Variants in MADD observed in about 807,000 individuals in gnomAD.
MADD encodes the protein MAP kinase activating death domain, also known as MAP kinase-activating death domain protein.
In MADD, 109 loss-of-function variants were observed where a neutral mutation model predicts 176.7. That is an observed-to-expected ratio of 0.62 (90% CI 0.53 to 0.72). The LOEUF is 0.72. MADD is among the 30% of genes least tolerant of loss of function. The probability of loss-of-function intolerance (pLI) is 0.00; values close to 1 mark genes in which losing one functional copy is unlikely to be tolerated. For synonymous variants in MADD, 771 were observed against 771.3 expected (o/e 1.00, Z 0.01); for missense variants, 1,914 against 2,045.5 (o/e 0.94, Z 1.24).
chr11:47,276,133 C>A, exon 4 of MADD: 1 of 1,614,216 alleles, frequency 6.2e-7, no homozygotes, highest in Non-Finnish European at 8.5e-7. Flanking sequence ...TCCCACTGCA[C>A]CTTCCCTTGG....
intron 22 of MADD, among the ~76,000 whole-genome samples, chr11:47,296,864 T>C (rs1383461164): frequency 6.7e-6 from 1 of 150,004 alleles, no homozygotes; most frequent in Non-Finnish European, 1.5e-5. Context: ...AGCTTTGACC[T>C]GTTAGGCTCA....
chr11:47,294,073 G>A (rs1007252059), intron 20 of MADD, 90 bp downstream of exon 22: 2 of 1,068,616 alleles, frequency 1.9e-6, no homozygotes, highest in Non-Finnish European at 2.8e-6. Flanking sequence ...CAGACAGCCG[G>A]GCACAGTGGC....
chr11:47,284,266 A>G, exon 11 of MADD: 1 of 1,613,976 alleles, frequency 6.2e-7, no homozygotes, highest in Non-Finnish European at 8.5e-7. Flanking sequence ...ATGTGACATT[A>G]ATGGTGATAC....
At position 47,303,055 on chromosome 11, in the gene MADD, C is replaced by T. The variant is rs1384761799; in HGVS notation, c.3643-5536C>T. The stretch of plus-strand genomic sequence containing the variant: ...TTTTTTTTTTCATGTCTGGGAAAGA[C>T]TTAGTTTATCCTTCATTTCTGAAGC... On this transcript the variant is annotated intron_variant, in intron 22 of 32. Coordinates refer to ENST00000402192, the Ensembl canonical transcript of MADD. Among the ~76,000 whole-genome samples the T allele has an allele frequency of 2.0e-5, 3 of 151,826 alleles. No individual in the cohort carries two copies. The East Asian group carries it at 5.8e-4, about 29-fold the overall frequency.
At chr11:47,328,885 G>A (rs1265218691) in intron 32 of MADD, among the ~76,000 whole-genome samples, 161 bp from the exon 37 acceptor site, 8 of 152,228 alleles carry the variant, frequency 5.3e-5, no homozygotes, top group East Asian at 1.9e-4. Flanking sequence ...ACACACACAC[G>A]GATCCCCTCT....
chr11:47,301,447 G>T (rs553574860), intron 22 of MADD, among the ~76,000 whole-genome samples: 1 of 152,126 alleles, frequency 6.6e-6, no homozygotes, highest in South Asian at 2.1e-4. Context: ...TTTTATTTCT[G>T]CTCTGATCTT....
intron 27 of MADD, among the ~76,000 whole-genome samples, chr11:47,321,994 A>G (rs1447985699): frequency 6.6e-6 from 1 of 152,152 alleles, no homozygotes; most frequent in African/African-American, 2.4e-5. Flanking sequence ...GGAGAAAGGT[A>G]AGAACCATCA....
exon 33 of MADD, chr11:47,329,444 T>C: frequency 2.5e-6 from 1 of 402,666 alleles, no homozygotes. Context: ...TTGAGACATT[T>C]GTGTTGTGGT....
At chr11:47,272,435 T>C (rs991659576) in intron 1 of MADD, 1 of 152,248 alleles carries the variant, frequency 6.6e-6, no homozygotes, top group Non-Finnish European at 1.5e-5. Flanking sequence ...TGTATGTCTG[T>C]ATATATGGGA....
chr11:47,274,711 C>G (rs1262212160), exon 3 of MADD: 5 of 1,614,092 alleles, frequency 3.1e-6, no homozygotes, highest in Non-Finnish European at 4.2e-6. Flanking sequence ...GCGCATGAGC[C>G]TTCGGGATGA....
chr11:47,277,068 G>A (rs993549695), intron 5 of MADD, among the ~76,000 whole-genome samples: 2 of 152,222 alleles, frequency 1.3e-5, no homozygotes, highest in Non-Finnish European at 2.9e-5. Flanking sequence ...GTTAATGACT[G>A]TAGGCCACTG....
exon 25 of MADD, chr11:47,309,560 G>T (rs1432575744): frequency 6.2e-7 from 1 of 1,614,150 alleles, no homozygotes; most frequent in Admixed American, 1.7e-5. Context: ...GATGAAGATC[G>T]CTTGTTGGCC....
chr11:47,313,473 C>A (rs2091154498), intron 26 of MADD, among the ~76,000 whole-genome samples: 1 of 139,678 alleles, frequency 7.2e-6, no homozygotes, highest in South Asian at 2.4e-4. Context: ...TGCTGCCACA[C>A]CTGGCTAGTT....
intron 30 of MADD, among the ~76,000 whole-genome samples, chr11:47,326,290 C>T (rs1045700983): frequency 2.6e-5 from 4 of 152,288 alleles, no homozygotes; most frequent in African/African-American, 7.2e-5. Context: ...AGGAGGATAC[C>T]AACACCTCCC....
chr11:47,299,997 A>G (rs1007729433), intron 22 of MADD, among the ~76,000 whole-genome samples: 2 of 152,102 alleles, frequency 1.3e-5, no homozygotes, highest in African/African-American at 4.8e-5. Flanking sequence ...TTCCCCATTC[A>G]GTATGATGTT....
At position 47,284,292 on chromosome 11, in the gene MADD, T is replaced by C. The variant is rs1399129041; in HGVS notation, c.1966+11T>C. 1 of 1,613,346 alleles carries C rather than the reference T, an allele frequency of 6.2e-7. No individual in the cohort carries two copies. Among genetic ancestry groups the C allele is most frequent in the Non-Finnish European group, 8.5e-7 (1 of 1,179,250 alleles). On this transcript the variant is annotated intron_variant, in intron 11 of 32. Coordinates refer to ENST00000402192, the Ensembl canonical transcript of MADD. ...ATGGTGATACTCCCAGTAAGTGTGC[T>C]TGGGGAGATTGGCCAGCCCTGGGCA...
intron 25 of MADD, among the ~76,000 whole-genome samples, chr11:47,310,608 T>C (rs2087774145): frequency 6.6e-6 from 1 of 152,072 alleles, no homozygotes; most frequent in Admixed American, 6.6e-5. Flanking sequence ...TTTAAAACCT[T>C]AGAAAGGATG....
chr11:47,285,390 C>A, intron 13 of MADD, 61 bp from the exon 14 acceptor site: 2 of 1,605,360 alleles, frequency 1.2e-6, no homozygotes, highest in South Asian at 1.1e-5. Context: ...ATAATTATGG[C>A]CCATACTCCC....
At chr11:47,273,533 G>A (rs1157039299) in intron 1 of MADD, among the ~76,000 whole-genome samples, 1 of 152,194 alleles carries the variant, frequency 6.6e-6, no homozygotes, top group Admixed American at 6.5e-5. Context: ...TAGAGATGGG[G>A]TTTTGCCATG....
Sources: allele counts gnomAD v4.1 joint callset (sites outside exome capture counted in the v4.1 genomes callset), GRCh38; gene constraint gnomAD v4.1.1; transcripts MANE v1.5; gene names NCBI Gene and HGNC (gene_info 2026-07-23, HGNC 2026-07-21).